ACSM3: variants seen among roughly 807,000 people sequenced by gnomAD.
ACSM3 encodes acyl-CoA synthetase medium chain family member 3.
ACSM3 carries 61 observed loss-of-function variants against 74.1 expected under a neutral mutation model. That is an observed-to-expected ratio of 0.82 (90% CI 0.67 to 1.02). The LOEUF (loss-of-function observed/expected upper bound fraction) is 1.02, where lower values mean the gene tolerates loss of function less well. Ranked by LOEUF, ACSM3 falls within the 50% of genes least tolerant of loss-of-function variation. The pLI, the probability that ACSM3 is intolerant of heterozygous loss-of-function variation, is 0.00. For missense variants in ACSM3, 660 were observed against 697.0 expected (o/e 0.95, Z 0.60); for synonymous variants, 213 against 241.5 (o/e 0.88, Z 1.09).
chr16:20,681,575 G>A (rs929465048), intron 1 of ACSM3: 2 of 152,190 alleles, frequency 1.3e-5, no homozygotes, highest in African/African-American at 2.4e-5. Context: ...TATAGAGGCA[G>A]TAATAACTCA....
intron 1 of ACSM3, among the ~76,000 whole-genome samples, chr16:20,693,957 A>T (rs1037672138): frequency 5.9e-4 from 90 of 152,366 alleles, no homozygotes; most frequent in African/African-American, 2.1e-3. Context: ...TAAGATTCTT[A>T]AATATCTGCT....
intron 4 of ACSM3, chr16:20,780,128 C>T (rs977317760): frequency 6.2e-6 from 1 of 161,298 alleles, no homozygotes; most frequent in Admixed American, 6.1e-5. Context: ...GCCGTATAGT[C>T]AGTCTCATCA....
At chr16:20,714,535 A>G (rs563234878) in intron 1 of ACSM3, among the ~76,000 whole-genome samples, 1 of 152,284 alleles carries the variant, frequency 6.6e-6, no homozygotes, top group South Asian at 2.1e-4. Context: ...AATGACAAAA[A>G]TCTAAACCTG....
At chr16:20,692,226 C>T (rs1322016716) in intron 1 of ACSM3, among the ~76,000 whole-genome samples, 1 of 152,228 alleles carries the variant, frequency 6.6e-6, no homozygotes, top group East Asian at 1.9e-4. Context: ...GCCCGTGACA[C>T]AGCCCTCAGG....
At chr16:20,693,672 G>A (rs1348688829) in intron 1 of ACSM3, among the ~76,000 whole-genome samples, 1 of 152,150 alleles carries the variant, frequency 6.6e-6, no homozygotes, top group East Asian at 1.9e-4. Context: ...TAAATGAGAT[G>A]TTCTCCAGTT....
chr16:20,789,689 T>TC, intron 9 of ACSM3: 2 of 587,258 alleles, frequency 3.4e-6, no homozygotes, highest in Non-Finnish European at 2.9e-6. Context: ...TTTTTCTTTT[T>TC]TTTTTTTTTT....
Position 20,792,255 on chromosome 16 carries a change from GA to G in ACSM3, c.1475del (p.Glu492GlyfsTer2). ...LSSGYRIGPF[E>X]VENALNEHPS... ...TTCTAGCTATCGAATTGGACCATTT[GA>G]GGTAGAAAATGCCCTGAATGAACAC... On this transcript the variant is annotated frameshift_variant, in exon 12 of 14. Coordinates refer to ENST00000289416, the MANE Select transcript of ACSM3 (RefSeq NM_005622.4). LOFTEE classifies it high-confidence loss of function. 4 of 1,614,114 alleles carry G rather than the reference GA, an allele frequency of 2.5e-6. No individual in the cohort carries two copies. The highest frequency in any genetic ancestry group is 3.4e-6 in the Non-Finnish European group (4 of 1,179,984).
chr16:20,718,482 C>A, intron 1 of ACSM3: 1 of 401,884 alleles, frequency 2.5e-6, no homozygotes, highest in Non-Finnish European at 4.2e-6. Flanking sequence ...TTGGGTTCAC[C>A]GTCTGTGGAA....
chr16:20,741,906 T>G (rs1371618984), intron 1 of ACSM3: 3 of 1,534,150 alleles, frequency 2.0e-6, no homozygotes, highest in Admixed American at 2.0e-5. Context: ...TCTGCAATCG[T>G]GAAAGGGGTG....
At chr16:20,711,649 A>G in intron 1 of ACSM3, 2 of 786,436 alleles carry the variant, frequency 2.5e-6, no homozygotes. Context: ...ACAAAGCCGG[A>G]ACAGGTGGCT....
chr16:20,680,704 T>G (rs187212891), intron 1 of ACSM3: 1 of 152,150 alleles, frequency 6.6e-6, no homozygotes, highest in African/African-American at 2.4e-5. Context: ...CAAAACTCTA[T>G]GGAGAAGCAC....
intron 1 of ACSM3, among the ~76,000 whole-genome samples, chr16:20,687,902 G>A (rs1024443709): frequency 2.2e-4 from 34 of 152,020 alleles, no homozygotes; most frequent in African/African-American, 6.3e-4. Flanking sequence ...TGGCCAACAC[G>A]GCAAAACCCC....
Position 20,790,730 on chromosome 16 carries a change from C to T in ACSM3, c.1326+42C>T. On this transcript the variant is annotated intron_variant, in intron 10 of 13. Transcript: ENST00000289416. The surrounding 1 kb of genome is among the most constrained non-coding windows in gnomAD (Gnocchi z 4.0). ...ATAATCTCATTTTCTATTTATTTCT[C>T]AAGTGCTTGGTAACAATCCCTGTTT... is the stretch of plus-strand genomic sequence containing the variant. 1 of 1,613,856 alleles carries T rather than the reference C, an allele frequency of 6.2e-7. No individual in the cohort carries two copies. The highest frequency in any genetic ancestry group is 8.5e-7 in the Non-Finnish European group (1 of 1,179,832).
At chr16:20,746,254 T>G (rs563532021) in intron 1 of ACSM3, among the ~76,000 whole-genome samples, 186 of 152,326 alleles carry the variant, frequency 1.2e-3, no homozygotes, top group African/African-American at 4.0e-3. Flanking sequence ...AACAGCTGCT[T>G]TCAGACTCAG....
chr16:20,741,545 G>T, intron 1 of ACSM3: 2 of 1,516,584 alleles, frequency 1.3e-6, no homozygotes, highest in African/African-American at 1.5e-5. Context: ...CGTATTCGTT[G>T]AGGAGGCTGT....
At chr16:20,785,595 A>C (rs2080454117) in intron 8 of ACSM3, among the ~76,000 whole-genome samples, 1 of 152,182 alleles carries the variant, frequency 6.6e-6, no homozygotes, top group African/African-American at 2.4e-5. Context: ...AAAATGAAAT[A>C]AGAACAAAAA....
At chr16:20,676,934 G>A (rs1170584528) in intron 1 of ACSM3, among the ~76,000 whole-genome samples, 1 of 152,164 alleles carries the variant, frequency 6.6e-6, no homozygotes, top group Non-Finnish European at 1.5e-5. Flanking sequence ...TGCACCTGCT[G>A]TGAAAGGCAG....
rs1462729346 is a variant in ACSM3, at chr16:20,785,125, A to G, written c.1143+18A>G. On this transcript the variant is annotated intron_variant, in intron 8 of 13. Transcript: ENST00000289416. Reference sequence around the variant, plus strand: ...CTGAAACGGTACCTGACCTCACTGAAAAGACATAGCTGGATTCCATTTAGT... The same window carrying G: ...CTGAAACGGTACCTGACCTCACTGAGAAGACATAGCTGGATTCCATTTAGT... 6.2e-7 allele frequency: 1 copy of G among 1,612,166 alleles called. No homozygotes were observed.
intron 1 of ACSM3, among the ~76,000 whole-genome samples, chr16:20,745,706 T>G (rs1258201687): frequency 1.3e-5 from 2 of 152,222 alleles, no homozygotes; most frequent in Non-Finnish European, 2.9e-5. Flanking sequence ...GCTTCAGATA[T>G]TCAGAAGGCC....
Sources: allele counts gnomAD v4.1 joint callset (sites outside exome capture counted in the v4.1 genomes callset), GRCh38; gene constraint gnomAD v4.1.1; non-coding constraint Gnocchi (gnomAD v3.1); transcripts MANE v1.5; gene names NCBI Gene and HGNC (gene_info 2026-07-23, HGNC 2026-07-21).